Variants in AMZ2 observed in about 807,000 individuals in gnomAD.
AMZ2 encodes archaemetzincin-2.
A neutral mutation model predicts 36.7 loss-of-function variants in AMZ2; 26 were observed. The observed-to-expected ratio is 0.71, with a 90% CI of 0.52 to 0.98. The LOEUF is 0.98. Ranked by LOEUF, AMZ2 falls within the 50% of genes least tolerant of loss-of-function variation. The probability of loss-of-function intolerance (pLI) is 0.00; values close to 1 mark genes in which losing one functional copy is unlikely to be tolerated. For synonymous variants in AMZ2, 144 were observed against 149.1 expected (o/e 0.97, Z 0.25); for missense variants, 394 against 430.5 (o/e 0.92, Z 0.75).
At chr17:68,254,657 A>G (rs2074760986) in intron 5 of AMZ2, 90 bp downstream of exon 5, 1 of 1,183,496 alleles carries the variant, frequency 8.4e-7, no homozygotes, top group Non-Finnish European at 1.2e-6. Flanking sequence ...AGGTAATATT[A>G]TAAATGAGTT....
intron 1 of AMZ2, among the ~76,000 whole-genome samples, chr17:68,234,323 C>T (rs1401916886): frequency 6.6e-6 from 1 of 151,662 alleles, no homozygotes; most frequent in Admixed American, 6.6e-5. Context: ...GTGGCACATA[C>T]CTGTAGTCCC....
intron 1 of AMZ2, among the ~76,000 whole-genome samples, chr17:68,213,829 G>T (rs1353023486): frequency 1.3e-5 from 2 of 151,124 alleles, no homozygotes; most frequent in African/African-American, 4.9e-5. Flanking sequence ...TTTTCTTTTT[G>T]GGGTATTTGT....
chr17:68,209,650 A>G (rs1435630185), intron 1 of AMZ2, among the ~76,000 whole-genome samples: 3 of 84,418 alleles, frequency 3.6e-5, no homozygotes, highest in South Asian at 6.5e-4. Flanking sequence ...TTTTTTTTAT[A>G]CAGAGTCTCC....
rs1256830959 is a variant in AMZ2 at position 68,254,456 on chromosome 17, C to T, written c.639C>T (p.His213=). The change falls in exon 5 of 7, where the codon CAC becomes CAT. Residue 213 remains histidine, a synonymous_variant. Coordinates refer to ENST00000359904, the MANE Select transcript of AMZ2 (RefSeq NM_016627.5). The part of the protein sequence containing the change: ...ARYGSDFYSM[H]YKGKVKKLKK... ...ATGGCAGTGATTTTTATAGCATGCA[C>T]TATAAAGGCAAAGTGAAGAAGCTCA... 1 of 1,613,580 alleles carries T rather than the reference C, an allele frequency of 6.2e-7. No individual in the cohort carries two copies. The highest frequency in any genetic ancestry group is 2.2e-5 in the East Asian group (1 of 44,880).
intron 1 of AMZ2, among the ~76,000 whole-genome samples, chr17:68,218,386 C>T (rs2073257680): frequency 6.6e-6 from 1 of 151,876 alleles, no homozygotes; most frequent in Admixed American, 6.6e-5. Flanking sequence ...GACAGAGTCT[C>T]ACTATGTTGC....
chr17:68,210,791 T>G (rs2073021602), intron 1 of AMZ2, among the ~76,000 whole-genome samples: 1 of 151,758 alleles, frequency 6.6e-6, no homozygotes, highest in Non-Finnish European at 1.5e-5. Flanking sequence ...CTACAAACAA[T>G]GCAAAAATTA....
In AMZ2 at chr17:68,223,152, C is replaced by T. The variant is rs2073412561; in HGVS notation, c.-67+16914C>T. ...GTTATTCTAAGGTGTTCATGATTCT[C>T]TTCTTTCAAATTTTGTGTATGTTTG... On this transcript the variant is annotated intron_variant, in intron 1 of 7. Coordinates refer to the AMZ2 transcript ENST00000674770. 2.0e-5 allele frequency among the ~76,000 whole-genome samples: 3 copies of T among 152,246 alleles called. No individual in the cohort carries two copies. The South Asian group carries it at 6.2e-4, about 32-fold the overall frequency.
rs1364303248 is a variant in AMZ2, at chr17:68,235,797, C to T, written c.-66-12843C>T. 2.0e-5 allele frequency among the ~76,000 whole-genome samples: 3 copies of T among 151,888 alleles called. No individual in the cohort carries two copies. The highest frequency in any genetic ancestry group is 2.9e-5 in the Non-Finnish European group (2 of 67,970). ...TCAGCCTGGGCTGCCGTGGACTGGC[C>T]GTCCCTACCCCTCCAAGACTTAGCC... is the stretch of plus-strand genomic sequence containing the variant. On this transcript the variant is annotated intron_variant, in intron 1 of 7. Transcript: ENST00000674770. The surrounding 1 kb of genome is among the most constrained non-coding windows in gnomAD (Gnocchi z 4.2).
At chr17:68,217,229 C>T (rs1275433341) in intron 1 of AMZ2, among the ~76,000 whole-genome samples, 2 of 151,630 alleles carry the variant, frequency 1.3e-5, no homozygotes, top group Admixed American at 1.3e-4. Context: ...ACTCAGATGA[C>T]AAATACCTGT....
intron 1 of AMZ2, among the ~76,000 whole-genome samples, chr17:68,214,625 T>A (rs1272745953): frequency 6.6e-6 from 1 of 152,152 alleles, no homozygotes; most frequent in Non-Finnish European, 1.5e-5. Flanking sequence ...CTCCTTGTTA[T>A]CATTGCGTTT....
At chr17:68,225,281 A>C (rs2073486325) in intron 1 of AMZ2, among the ~76,000 whole-genome samples, 1 of 152,196 alleles carries the variant, frequency 6.6e-6, no homozygotes, top group South Asian at 2.1e-4. Context: ...AGGAGCTAAA[A>C]GTCCCCTGAG....
chr17:68,236,739 A>AT (rs149263791), intron 1 of AMZ2, among the ~76,000 whole-genome samples: 11 of 149,336 alleles, frequency 7.4e-5, no homozygotes, highest in South Asian at 2.1e-4. Context: ...ATCCCAGCTA[A>AT]TTTTTTTTTT....
rs1193519548 is a variant in AMZ2, at chr17:68,251,164, C to T, written c.572C>T (p.Ala191Val). Reference sequence around the variant, plus strand: ...TCGTGGAATTTTGTCTTTGGACAGGCCTCTTTGACAGATGGTATTCCGTTT... The same window carrying T: ...TCGTGGAATTTTGTCTTTGGACAGGTCTCTTTGACAGATGGTATTCCGTTT... Reference protein sequence around the residue: ...RDSWNFVFGQASLTDGVGIFS... With the variant: ...RDSWNFVFGQVSLTDGVGIFS... Residue 191 changes from alanine to valine, a missense_variant, in exon 4 of 7, where the codon GCC (alanine) becomes GTC (valine). Coordinates refer to ENST00000359904, the MANE Select transcript of AMZ2 (RefSeq NM_016627.5). 1.9e-6 allele frequency: 3 copies of T among 1,610,882 alleles called. No individual in the cohort carries two copies. In the East Asian group the frequency reaches 6.7e-5, roughly 36 times the overall value.
Position 68,254,557 on chromosome 17 carries a change from G to A in AMZ2, c.740G>A (p.Arg247Gln), listed in dbSNP as rs782741991. ...IPEITSVLLL[R>Q]SCKTLTHEIG... ...GAAATAACTAGTGTTTTACTACTTC[G>A]ATCCTGTAAGGTAAGTTATTACAAA... Residue 247 changes from arginine to glutamine, a missense_variant, in exon 5 of 7, where the codon CGA (arginine) becomes CAA (glutamine). Arg to Gln is a conservative substitution (Grantham distance 43). Coordinates refer to ENST00000359904, the MANE Select transcript of AMZ2 (RefSeq NM_016627.5). The A allele has an allele frequency of 2.7e-5, 43 of 1,610,224 alleles. No homozygotes were observed. The highest frequency in any genetic ancestry group is 3.3e-5 in the Non-Finnish European group (39 of 1,177,906).
At position 68,248,620 on chromosome 17, in the gene AMZ2, A is replaced by C. The variant is rs186248815; in HGVS notation, c.-86A>C. The C allele has an allele frequency of 1.4e-5, 14 of 985,654 alleles. No homozygotes were observed. The Admixed American group carries it at 5.5e-4, about 39-fold the overall frequency. The allele number at this position is 985,654 out of a possible 1,614,324, so 61.1% of individuals were successfully genotyped here. A position where few individuals can be genotyped will look rare whatever the true frequency, so the allele number is the denominator to read the frequency against. ...CTTTTTAATATTAAGATGAAGTCAC[A>C]CTCCACAACTTTCTTCCAGCCAGGC... On this transcript the variant is annotated 5_prime_UTR_variant, in exon 1 of 7. Transcript: ENST00000359904.
At chr17:68,247,720 G>A (rs2074091065), upstream of AMZ2, 1 of 985,400 alleles carries the variant, frequency 1.0e-6, no homozygotes, top group African/African-American at 1.7e-5. Flanking sequence ...GCCTGCCGAG[G>A]ACGTTCCCAC....
chr17:68,210,562 A>G (rs1171311863), intron 1 of AMZ2, among the ~76,000 whole-genome samples: 5 of 152,188 alleles, frequency 3.3e-5, no homozygotes, highest in Admixed American at 3.3e-4. Context: ...CTTAATAGGT[A>G]CGAGTTTCCA....
At chr17:68,236,446 TAAAAA>T (rs1247462977) in intron 1 of AMZ2, among the ~76,000 whole-genome samples, 1 of 150,752 alleles carries the variant, frequency 6.6e-6, no homozygotes, top group Non-Finnish European at 1.5e-5. Context: ...GGTAAATAGT[TAAAAA>T]AAATAAAGCT....
At chr17:68,212,637 G>A (rs1316829072) in intron 1 of AMZ2, among the ~76,000 whole-genome samples, 2 of 151,958 alleles carry the variant, frequency 1.3e-5, no homozygotes, top group Non-Finnish European at 2.9e-5. Context: ...CTCAATCTCA[G>A]CTAACTGCCA....
Sources: allele counts gnomAD v4.1 joint callset (sites outside exome capture counted in the v4.1 genomes callset), GRCh38; gene constraint gnomAD v4.1.1; non-coding constraint Gnocchi (gnomAD v3.1); transcripts MANE v1.5; gene names NCBI Gene and HGNC (gene_info 2026-07-23, HGNC 2026-07-21).